The following DRC11 variants were observed in gnomAD, a reference collection of about 807,000 sequenced individuals.
DRC11 encodes dynein regulatory complex subunit 11.
At chr2:236,402,728 C>T in the DRC11 span, among the ~76,000 whole-genome samples, 1 of 152,144 alleles carries the variant, frequency 6.6e-6, no homozygotes, top group Non-Finnish European at 1.5e-5. This position sits in a 1 kb window ranked among gnomAD's most constrained non-coding sequence, Gnocchi z 6.0. Flanking sequence ...AAGAAAGTCC[C>T]ACCTACGACA....
At chr2:236,399,626 T>TGCCCCTCTGGC in the DRC11 span, 1 of 699,584 alleles carries the variant, frequency 1.4e-6, no homozygotes, top group African/African-American at 1.7e-5. The surrounding 1 kb of genome is among the most constrained non-coding windows in gnomAD (Gnocchi z 7.0). Context: ...CTCTGGCCCG[T>TGCCCCTCTGGC]CTAAGTATGG....
the DRC11 span, among the ~76,000 whole-genome samples, chr2:236,465,061 A>G: frequency 1.3e-5 from 2 of 152,092 alleles, no homozygotes; most frequent in African/African-American, 4.8e-5. The surrounding 1 kb of genome is among the most constrained non-coding windows in gnomAD (Gnocchi z 6.2). Flanking sequence ...ACCACCTAAC[A>G]CACCATCATT....
At chr2:236,330,119 G>A in the DRC11 span, among the ~76,000 whole-genome samples, 2 of 152,202 alleles carry the variant, frequency 1.3e-5, no homozygotes, top group Non-Finnish European at 2.9e-5. The surrounding 1 kb of genome is among the most constrained non-coding windows in gnomAD (Gnocchi z 5.5). Flanking sequence ...CAGCAATTAT[G>A]AACAGGTTTA....
chr2:236,488,550 G>A, the DRC11 span, among the ~76,000 whole-genome samples: 2 of 152,218 alleles, frequency 1.3e-5, no homozygotes, highest in African/African-American at 4.8e-5. Context: ...AACTTAATAG[G>A]AGAAACAGAG....
chr2:236,483,150 T>C, the DRC11 span, among the ~76,000 whole-genome samples: 2 of 152,206 alleles, frequency 1.3e-5, no homozygotes, highest in South Asian at 4.1e-4. This position sits in a 1 kb window ranked among gnomAD's most constrained non-coding sequence, Gnocchi z 4.8. Flanking sequence ...TGTCTTTTTG[T>C]GACTAGCTTA....
the DRC11 span, among the ~76,000 whole-genome samples, chr2:236,364,883 A>AT: frequency 6.6e-6 from 1 of 152,180 alleles, no homozygotes; most frequent in Non-Finnish European, 1.5e-5. Context: ...TTAAGTGATG[A>AT]TTAGACACCT....
the DRC11 span, among the ~76,000 whole-genome samples, chr2:236,401,600 C>T: frequency 1.2e-4 from 19 of 152,286 alleles, no homozygotes; most frequent in Admixed American, 4.6e-4. This position sits in a 1 kb window ranked among gnomAD's most constrained non-coding sequence, Gnocchi z 4.6. Context: ...CAGAAAGGAG[C>T]GAACACAGAC....
the DRC11 span, among the ~76,000 whole-genome samples, chr2:236,373,595 C>T: frequency 1.6e-3 from 239 of 152,260 alleles, no homozygotes; most frequent in African/African-American, 4.7e-3. Context: ...TCAGTATAGA[C>T]CTGCTTTGTG....
the DRC11 span, among the ~76,000 whole-genome samples, chr2:236,505,182 T>C: frequency 6.6e-6 from 1 of 152,248 alleles, no homozygotes; most frequent in Admixed American, 6.5e-5. Context: ...GGATGAAGAC[T>C]GAATATGACA....
the DRC11 span, among the ~76,000 whole-genome samples, chr2:236,445,642 T>C: frequency 6.6e-6 from 1 of 152,136 alleles, no homozygotes; most frequent in African/African-American, 2.4e-5. This position sits in a 1 kb window ranked among gnomAD's most constrained non-coding sequence, Gnocchi z 4.8. Flanking sequence ...GCCTGGGCTA[T>C]TTTTAATAGA....
the DRC11 span, among the ~76,000 whole-genome samples, chr2:236,374,069 T>C: frequency 6.6e-6 from 1 of 152,316 alleles, no homozygotes; most frequent in South Asian, 2.1e-4. Context: ...CTTTGATTCT[T>C]ACCTGGCCCA....
chr2:236,371,831 C>T, the DRC11 span, among the ~76,000 whole-genome samples: 1 of 152,152 alleles, frequency 6.6e-6, no homozygotes, highest in African/African-American at 2.4e-5. The surrounding 1 kb of genome is among the most constrained non-coding windows in gnomAD (Gnocchi z 5.1). Context: ...CTTCCTTTCC[C>T]TGAGCATCTT....
chr2:236,440,250 G>C, the DRC11 span, among the ~76,000 whole-genome samples: 2 of 152,124 alleles, frequency 1.3e-5, no homozygotes, highest in African/African-American at 4.8e-5. Flanking sequence ...AGTAGCGTAG[G>C]GTAAATGTCA....
chr2:236,389,377 T>A, the DRC11 span, among the ~76,000 whole-genome samples: 1 of 152,212 alleles, frequency 6.6e-6, no homozygotes, highest in South Asian at 2.1e-4. Context: ...CACCGTTTTT[T>A]AAGCCCGTCG....
At chr2:236,456,725 G>A in the DRC11 span, among the ~76,000 whole-genome samples, 6 of 152,218 alleles carry the variant, frequency 3.9e-5, no homozygotes, top group Non-Finnish European at 8.8e-5. This position sits in a 1 kb window ranked among gnomAD's most constrained non-coding sequence, Gnocchi z 5.4. Context: ...GTGGGGTAGA[G>A]GGTGGGTGTT....
At chr2:236,412,429 C>G in the DRC11 span, among the ~76,000 whole-genome samples, 6 of 152,320 alleles carry the variant, frequency 3.9e-5, no homozygotes, top group South Asian at 6.2e-4. Context: ...ATACCTCATC[C>G]GTGCCCCACC....
chr2:236,306,901 TCA>T, the DRC11 span, among the ~76,000 whole-genome samples: 1 of 152,192 alleles, frequency 6.6e-6, no homozygotes, highest in East Asian at 1.9e-4. This position sits in a 1 kb window ranked among gnomAD's most constrained non-coding sequence, Gnocchi z 5.9. Context: ...GTGTAAATTA[TCA>T]CAGAGGCTAA....
chr2:236,354,613 C>G, the DRC11 span, among the ~76,000 whole-genome samples: 1 of 152,170 alleles, frequency 6.6e-6, no homozygotes, highest in South Asian at 2.1e-4. Context: ...GTACCTCCAT[C>G]GCCCCCACCC....
At chr2:236,365,471 C>T in the DRC11 span, among the ~76,000 whole-genome samples, 4 of 151,788 alleles carry the variant, frequency 2.6e-5, no homozygotes, top group African/African-American at 9.7e-5. The surrounding 1 kb of genome is among the most constrained non-coding windows in gnomAD (Gnocchi z 7.4). Flanking sequence ...GAGGAGCCAG[C>T]GGTCAGGGGC....
Sources: gnomAD v4.1 joint callset for allele counts (sites outside exome capture counted in the v4.1 genomes callset) on GRCh38, gnomAD v4.1.1 for gene constraint, Gnocchi (gnomAD v3.1) non-coding constraint, MANE v1.5 for transcripts, NCBI Gene and HGNC (gene_info 2026-07-23, HGNC 2026-07-21) for gene names.